EXPH5: variants seen among roughly 807,000 people sequenced by gnomAD.
EXPH5 encodes exophilin 5.
EXPH5 carries 42 observed loss-of-function variants against 41.1 expected under a neutral mutation model. The ratio of observed to expected loss-of-function variants is 1.02; its 90% confidence interval spans 0.80 to 1.32. The LOEUF is 1.32. EXPH5 is among the 40% of genes most tolerant of loss of function. The pLI, the probability that EXPH5 is intolerant of heterozygous loss-of-function variation, is 0.00. For synonymous variants in EXPH5, 798 were observed against 833.5 expected, an observed-to-expected ratio of 0.96 and a Z score of 0.73; for missense variants, 2,298 against 2,314.5, an observed-to-expected ratio of 0.99 and a Z score of 0.15.
chr11:108,569,939 G>A (rs2094052647), intron 1 of EXPH5, among the ~76,000 whole-genome samples: 1 of 152,202 alleles, frequency 6.6e-6, no homozygotes, highest in African/African-American at 2.4e-5. Flanking sequence ...GCAAATGGAG[G>A]AGCTTATCAT....
At chr11:108,541,947 G>T in intron 1 of EXPH5, 135 bp from the exon 2 acceptor site, 1 of 636,406 alleles carries the variant, frequency 1.6e-6, no homozygotes, top group Non-Finnish European at 2.6e-6. Flanking sequence ...GCACAACCTC[G>T]TCTCACTGCA....
rs1591660442 is a variant in EXPH5, at chr11:108,511,261, A to G, written c.4246T>C (p.Ser1416Pro). 1 of 1,607,714 alleles carries G rather than the reference A, an allele frequency of 6.2e-7. No individual in the cohort carries two copies. Among genetic ancestry groups the G allele is most frequent in the East Asian group, 2.2e-5 (1 of 44,868 alleles). ...GGACCACTGTTACTTGAATTAATGG[A>G]TTGTTGACAATTTTCAGATTTTTCT... ...SEEKSENCQQ[S>P]INSSNSGPSS... is the part of the protein sequence containing the mutation. The change falls in exon 6 of 6, where the codon TCC becomes CCC. Residue 1416 changes from serine to proline, a missense_variant. Transcript: ENST00000265843.
intron 1 of EXPH5, among the ~76,000 whole-genome samples, chr11:108,582,618 G>A (rs10890864): frequency 0.1 from 15,774 of 152,234 alleles, 1,423 homozygotes; most frequent in African/African-American, 0.24. Flanking sequence ...TCTTGAGCAT[G>A]TAAGTGGATT....
At chr11:108,595,813 C>A, upstream of EXPH5, among the ~76,000 whole-genome samples, 1 of 152,160 alleles carries the variant, frequency 6.6e-6, no homozygotes, top group East Asian at 1.9e-4. Flanking sequence ...GTAGGCTGAG[C>A]TCTGACTATG....
In EXPH5 at chr11:108,511,618, T is replaced by C. The variant is rs1366274739; in HGVS notation, c.3889A>G (p.Lys1297Glu). 1.2e-6 allele frequency: 2 copies of C among 1,610,836 alleles called. No individual in the cohort carries two copies. Among genetic ancestry groups the C allele is most frequent in the Non-Finnish European group, 1.7e-6 (2 of 1,179,346 alleles). ...TGCTCTCGTGTAGAATAATTCTGTT[T>C]GTCTTTTTCTAAAGCGTTAGGAAAT... ...ETFPNALEKD[K>E]QNYSTREQSG... Residue 1297 changes from lysine (K) to glutamate (E), a missense_variant, in exon 6 of 6, where the codon AAA becomes GAA. Lys to Glu is a moderately conservative substitution (Grantham distance 56). Coordinates refer to ENST00000265843, the MANE Select transcript of EXPH5 (RefSeq NM_015065.3).
At chr11:108,525,921 T>TC (rs201450000) in intron 4 of EXPH5, among the ~76,000 whole-genome samples, 3,042 of 149,290 alleles carry the variant, frequency 0.02, 131 homozygotes, top group African/African-American at 0.071. Context: ...TTCTTTTCTT[T>TC]TTTTTTTTTT....
rs150948572 is a variant in EXPH5, at chr11:108,571,947, G to A, written c.119+21471C>T. On this transcript the variant is annotated intron_variant, in intron 1 of 5. Transcript: ENST00000265843. Reference sequence around the variant, plus strand: ...CCTGTAGTCCCAGCTACTCGGAGAGGCTGAGGCAGGAAAAAAGGCGTGAAC... The same window carrying A: ...CCTGTAGTCCCAGCTACTCGGAGAGACTGAGGCAGGAAAAAAGGCGTGAAC... Among the ~76,000 whole-genome samples, 10 of 152,060 alleles carry A rather than the reference G, an allele frequency of 6.6e-5. 1 individual carries two copies. The South Asian group carries it at 1.3e-3, about 19-fold the overall frequency.
chr11:108,598,643 C>G (rs1190237877), upstream of EXPH5, among the ~76,000 whole-genome samples: 1 of 151,922 alleles, frequency 6.6e-6, no homozygotes, highest in African/African-American at 2.4e-5. Context: ...TGAGGGGTGT[C>G]AAGGATCCAG....
chr11:108,523,159 A>G lies in EXPH5; in HGVS notation c.493-4786T>C, dbSNP rs377024815. ...CTAAAGTGCTGGGATTACAGGCATG[A>G]ACCACCACGCCCAGCCTCCAACTTT... On this transcript the variant is annotated intron_variant, in intron 4 of 5. Transcript: ENST00000265843. Among the ~76,000 whole-genome samples, 6 of 152,302 alleles carry G rather than the reference A, an allele frequency of 3.9e-5. No homozygotes were observed. In the East Asian group the frequency reaches 7.7e-4, roughly 20 times the overall value.
chr11:108,532,339 G>GAGATATATATATAT (rs1471861001), intron 3 of EXPH5, among the ~76,000 whole-genome samples: 1 of 23,444 alleles, frequency 4.3e-5, no homozygotes, highest in East Asian at 7.9e-4. Flanking sequence ...CACCACACTG[G>GAGATATATATATAT]ATATATATAT....
Position 108,541,819 on chromosome 11 carries a change from TA to T in EXPH5, c.120-8del. The T allele has an allele frequency of 6.3e-7, 1 of 1,579,466 alleles. No individual in the cohort carries two copies. Among genetic ancestry groups the T allele is most frequent in the Non-Finnish European group, 8.6e-7 (1 of 1,166,428 alleles). On this transcript the variant is annotated splice_polypyrimidine_tract_variant and splice_region_variant and intron_variant, in intron 1 of 5. Transcript: ENST00000265843. ...CTTTGTCTTCTGAAGTTTGCTGAAA[TA>T]AAATAAAACATTAATGTGGTCTTTA... is the stretch of plus-strand genomic sequence containing the variant.
Position 108,511,644 on chromosome 11 carries a change from G to C in EXPH5, c.3863C>G (p.Thr1288Arg), listed in dbSNP as rs1391921924. Reference sequence around the variant, plus strand: ...GTCTTTTTCTAAAGCGTTAGGAAATGTTTCAGTCTCCACTTGAGGTGATTC... The same window carrying C: ...GTCTTTTTCTAAAGCGTTAGGAAATCTTTCAGTCTCCACTTGAGGTGATTC... ...LIESPQVETE[T>R]FPNALEKDKQ... Residue 1288 changes from threonine to arginine, a missense_variant, in exon 6 of 6, where the codon ACA becomes AGA. Coordinates refer to ENST00000265843, the MANE Select transcript of EXPH5 (RefSeq NM_015065.3). 3 of 1,609,554 alleles carry C rather than the reference G, an allele frequency of 1.9e-6. No individual in the cohort carries two copies. Among genetic ancestry groups the C allele is most frequent in the Non-Finnish European group, 2.5e-6 (3 of 1,178,816 alleles).
At chr11:108,515,166 G>GT (rs200937624) in intron 5 of EXPH5, among the ~76,000 whole-genome samples, 18 of 149,300 alleles carry the variant, frequency 1.2e-4, no homozygotes, top group Non-Finnish European at 1.3e-4. Flanking sequence ...TTTTAATCAT[G>GT]TTTTTTTTTA....
upstream of EXPH5, chr11:108,593,856 C>T: frequency 9.9e-7 from 1 of 1,011,128 alleles, no homozygotes; most frequent in Non-Finnish European, 1.5e-6. Flanking sequence ...CTCGTCTCGT[C>T]CCGTCCCTCG....
In EXPH5 at chr11:108,505,502, A is replaced by G. The variant is rs2135879971; in HGVS notation, c.*4035T>C. On this transcript the variant is annotated 3_prime_UTR_variant, in exon 6 of 6. Coordinates refer to ENST00000265843, the MANE Select transcript of EXPH5 (RefSeq NM_015065.3). ...TTGCACCTTGTCTTTAACACATTTC[A>G]TAACCAGAGAACAGGTCTGAGAACA... 6.6e-6 allele frequency: 1 copy of G among 152,368 alleles called. No individual in the cohort carries two copies. The highest frequency in any genetic ancestry group is 2.4e-5 in the African/African-American group (1 of 41,584). The allele number at this position is 152,368 out of a possible 1,614,324, so 9.4% of individuals were successfully genotyped here. A position where few individuals can be genotyped will look rare whatever the true frequency, so the allele number is the denominator to read the frequency against.
At chr11:108,605,738 C>T in the EXPH5 span, among the ~76,000 whole-genome samples, 3 of 152,202 alleles carry the variant, frequency 2.0e-5, no homozygotes, top group African/African-American at 7.2e-5. Context: ...GCTTCATGTG[C>T]TTGCCATGCC....
the EXPH5 span, among the ~76,000 whole-genome samples, chr11:108,602,648 G>T: frequency 3.3e-5 from 5 of 151,842 alleles, no homozygotes; most frequent in East Asian, 9.7e-4. Flanking sequence ...AGGGGCTCAA[G>T]CGAGTCTACC....
In EXPH5 at chr11:108,593,522, A is replaced by T. The variant is rs371998780; in HGVS notation, c.15T>A (p.Pro5=). The stretch of plus-strand genomic sequence containing the variant: ...TTAAGAAACTGAAATCAAACGCCGG[A>T]GGAACTTTCGTCATTTTCTTTACTG... MTKV[P]PAFDFSFLND... is the part of the protein sequence containing the mutation. The change falls in exon 1 of 6, where the codon CCT becomes CCA. Residue 5 remains proline, a synonymous_variant. Coordinates refer to ENST00000265843, the MANE Select transcript of EXPH5 (RefSeq NM_015065.3). 1.5e-5 allele frequency: 25 copies of T among 1,614,082 alleles called. No individual in the cohort carries two copies. The highest frequency in any genetic ancestry group is 1.9e-5 in the Non-Finnish European group (22 of 1,180,034).
chr11:108,511,859 G>A lies in EXPH5; in HGVS notation c.3648C>T (p.Asp1216=), dbSNP rs746322429. Residue 1216 remains aspartate (D), a synonymous_variant, in exon 6 of 6, where the codon GAC becomes GAT. Transcript: ENST00000265843. ...SNEDPLPFCS[D]LSGKERGKTL... ...TTTTCCCACGTTCTTTTCCTGACAA[G>A]TCTGAGCAAAAAGGTAAAGGGTCTT... 6.3e-7 allele frequency: 1 copy of A among 1,588,224 alleles called. No individual in the cohort carries two copies. Among genetic ancestry groups the A allele is most frequent in the Non-Finnish European group, 8.5e-7 (1 of 1,172,224 alleles).
Sources: allele counts gnomAD v4.1 joint callset (sites outside exome capture counted in the v4.1 genomes callset), GRCh38; gene constraint gnomAD v4.1.1; transcripts MANE v1.5; gene names NCBI Gene and HGNC (gene_info 2026-07-23, HGNC 2026-07-21).